The following HTR3B variants were observed in gnomAD, a reference collection of about 807,000 sequenced individuals.
HTR3B encodes the protein 5-hydroxytryptamine receptor 3B.
A neutral mutation model predicts 42.8 loss-of-function variants in HTR3B; 44 were observed. That is an observed-to-expected ratio of 1.03 (90% confidence interval 0.81 to 1.32). HTR3B has a LOEUF of 1.32. HTR3B is among the 40% of genes most tolerant of loss of function. The probability of loss-of-function intolerance (pLI) is 0.00; values close to 1 mark genes in which losing one functional copy is unlikely to be tolerated. For missense variants in HTR3B, 527 were observed against 536.5 expected, an observed-to-expected ratio of 0.98 and a Z score of 0.17; for synonymous variants, 203 against 209.0, an observed-to-expected ratio of 0.97 and a Z score of 0.25.
At chr11:113,902,153 A>G (rs1243185557), upstream of HTR3B, among the ~76,000 whole-genome samples, 2 of 152,200 alleles carry the variant, frequency 1.3e-5, no homozygotes, top group African/African-American at 4.8e-5. Flanking sequence ...ACCAAGTTAC[A>G]TTTAAATTAC....
At chr11:113,909,079 GTTTTTACAA>G in intron 1 of HTR3B, 1 of 585,206 alleles carries the variant, frequency 1.7e-6, no homozygotes, top group South Asian at 2.3e-5. Context: ...TGATTTACTT[GTTTTTACAA>G]TGAGGTTTCT....
chr11:113,918,625 CTT>C (rs36002462), intron 2 of HTR3B, among the ~76,000 whole-genome samples: 14 of 127,790 alleles, frequency 1.1e-4, no homozygotes, highest in African/African-American at 1.5e-4. Flanking sequence ...CAGGTTAGGG[CTT>C]TTTTTTTTTT....
chr11:113,913,371 T>TTTTTTTTTTTTTTTTG (rs1949816450), intron 2 of HTR3B, among the ~76,000 whole-genome samples: 1 of 137,926 alleles, frequency 7.3e-6, no homozygotes, highest in African/African-American at 2.7e-5. Context: ...TTTTTTTTTT[T>TTTTTTTTTTTTTTTTG]TTTTTTTTTT....
intron 2 of HTR3B, among the ~76,000 whole-genome samples, chr11:113,918,026 C>G (rs998331250): frequency 6.6e-6 from 1 of 152,108 alleles, no homozygotes; most frequent in Non-Finnish European, 1.5e-5. Flanking sequence ...TCTTGGCCAT[C>G]CTTTTATTTC....
chr11:113,931,186 G>A (rs1369620946), intron 2 of HTR3B, among the ~76,000 whole-genome samples, 198 bp from the exon 3 acceptor site: 1 of 152,096 alleles, frequency 6.6e-6, no homozygotes, highest in African/African-American at 2.4e-5. Context: ...AGATAATATA[G>A]TAAAGCTCAT....
chr11:113,933,613 C>A (rs1309126812), intron 6 of HTR3B, among the ~76,000 whole-genome samples: 1 of 151,980 alleles, frequency 6.6e-6, no homozygotes, highest in Admixed American at 6.6e-5. Flanking sequence ...GCTTCTGGAT[C>A]AGAGGGAACA....
In HTR3B at chr11:113,946,313, C is replaced by CTGGTG. The variant is rs1950179554; in HGVS notation, c.*176_*177insTGGTG. ...CCCAGGAGTTCGAGACCAGCCAGAG[C>CTGGTG]AACATAGTGAGACCACATCTCTACC... On this transcript the variant is annotated 3_prime_UTR_variant, in exon 9 of 9. Coordinates refer to ENST00000260191, the MANE Select transcript of HTR3B (RefSeq NM_006028.5). 1.7e-6 allele frequency: 1 copy of CTGGTG among 576,838 alleles called. No individual in the cohort carries two copies. The highest frequency in any genetic ancestry group is 3.1e-6 in the Non-Finnish European group (1 of 323,164). 35.7% of individuals were successfully genotyped at this position (576,838 alleles called of 1,614,324 possible).
At position 113,943,164 on chromosome 11, in the gene HTR3B, A is replaced by G; in HGVS notation, c.879A>G (p.Pro293=). The G allele has an allele frequency of 6.2e-7, 1 of 1,614,004 alleles. No homozygotes were observed. The highest frequency in any genetic ancestry group is 8.5e-7 in the Non-Finnish European group (1 of 1,179,942). ...GGGTCAACATGTCCAACCAGGTGCCACGGAGTGTAGGGAGCACCCCTCTGA... is the reference window on the plus strand; with the variant it reads ...GGGTCAACATGTCCAACCAGGTGCCGCGGAGTGTAGGGAGCACCCCTCTGA... The part of the protein sequence containing the change: ...VFRVNMSNQV[P]RSVGSTPLIG... Residue 293 remains proline, a synonymous_variant, in exon 7 of 9, where the codon CCA becomes CCG. Coordinates refer to ENST00000260191, the MANE Select transcript of HTR3B (RefSeq NM_006028.5).
At chr11:113,932,878 G>A in intron 5 of HTR3B, 58 bp from the exon 6 acceptor site, 1 of 1,556,352 alleles carries the variant, frequency 6.4e-7, no homozygotes, top group Non-Finnish European at 8.8e-7. Flanking sequence ...CTGGAAAAGT[G>A]GGTGGATGTT....
At chr11:113,911,195 A>C (rs1949789241) in intron 2 of HTR3B, among the ~76,000 whole-genome samples, 1 of 152,032 alleles carries the variant, frequency 6.6e-6, no homozygotes, top group Non-Finnish European at 1.5e-5. Context: ...GTACAAGCTG[A>C]TGAATGTTGC....
rs1432488804 is a variant in HTR3B, at chr11:113,914,607, C to T, written c.213+5152C>T. 2.0e-5 allele frequency among the ~76,000 whole-genome samples: 3 copies of T among 151,806 alleles called. No individual in the cohort carries two copies. The East Asian group carries it at 5.9e-4, about 30-fold the overall frequency. ...AAGCAATTCTCGTGCCTCAGCCTCC[C>T]AAGTAGCTGAGATTACAGGTGTGTA... On this transcript the variant is annotated intron_variant, in intron 2 of 8. Coordinates refer to ENST00000260191, the MANE Select transcript of HTR3B (RefSeq NM_006028.5).
intron 2 of HTR3B, 60 bp downstream of exon 2, chr11:113,909,515 C>A: frequency 2.2e-6 from 3 of 1,370,188 alleles, no homozygotes; most frequent in South Asian, 1.3e-5. Flanking sequence ...GTCTGCAGTT[C>A]ATGCAGGAGC....
chr11:113,908,175 AT>A (rs2031466555), intron 1 of HTR3B, among the ~76,000 whole-genome samples: 1 of 152,210 alleles, frequency 6.6e-6, no homozygotes, highest in Admixed American at 6.5e-5. Context: ...TACCTCCAGC[AT>A]TGTTGTTAGC....
chr11:113,931,239 G>A, intron 2 of HTR3B, 145 bp from the exon 3 acceptor site: 1 of 614,702 alleles, frequency 1.6e-6, no homozygotes, highest in Non-Finnish European at 2.8e-6. Context: ...GAATGCCTAG[G>A]TATTGAAGAG....
chr11:113,939,877 G>A (rs569107252), intron 6 of HTR3B, among the ~76,000 whole-genome samples: 120 of 149,598 alleles, frequency 8.0e-4, no homozygotes, highest in Non-Finnish European at 1.5e-3. Flanking sequence ...CTGGAACTCT[G>A]TCCCCTTGGT....
chr11:113,946,304 C>G lies in HTR3B; in HGVS notation c.*167C>G. ...TTGCTTGAGCCCAGGAGTTCGAGAC[C>G]AGCCAGAGCAACATAGTGAGACCAC... On this transcript the variant is annotated 3_prime_UTR_variant, in exon 9 of 9. Coordinates refer to ENST00000260191, the MANE Select transcript of HTR3B (RefSeq NM_006028.5). 1.7e-6 allele frequency: 1 copy of G among 597,080 alleles called. No individual in the cohort carries two copies. The highest frequency in any genetic ancestry group is 3.0e-6 in the Non-Finnish European group (1 of 333,316). The allele number at this position is 597,080 out of a possible 1,614,324, so 37.0% of individuals were successfully genotyped here. A position where few individuals can be genotyped will look rare whatever the true frequency, so the allele number is the denominator to read the frequency against.
upstream of HTR3B, among the ~76,000 whole-genome samples, chr11:113,902,461 T>A (rs1290083226): frequency 1.3e-5 from 2 of 152,112 alleles, no homozygotes; most frequent in African/African-American, 4.8e-5. Context: ...CGTGCCGGGC[T>A]AATTTTTGTA....
At chr11:113,899,800 A>G (rs892068034), upstream of HTR3B, among the ~76,000 whole-genome samples, 3 of 152,328 alleles carry the variant, frequency 2.0e-5, no homozygotes, top group Non-Finnish European at 2.9e-5. Flanking sequence ...CTTGAAAATA[A>G]TGGAGAAACA....
At chr11:113,899,526 CAA>C in the HTR3B span, among the ~76,000 whole-genome samples, 2 of 152,100 alleles carry the variant, frequency 1.3e-5, no homozygotes. Flanking sequence ...AGGGAGTGAA[CAA>C]AGAGAGTTAG....
Sources: allele counts gnomAD v4.1 joint callset (sites outside exome capture counted in the v4.1 genomes callset), GRCh38; gene constraint gnomAD v4.1.1; transcripts MANE v1.5; gene names NCBI Gene and HGNC (gene_info 2026-07-23, HGNC 2026-07-21).